MBD5: variants seen among roughly 807,000 people sequenced by gnomAD.
MBD5 encodes the protein methyl-CpG binding domain protein 5.
MBD5 carries 13 observed loss-of-function variants against 117.3 expected under a neutral mutation model. The ratio of observed to expected loss-of-function variants is 0.11; its 90% confidence interval spans 0.07 to 0.18. The LOEUF is 0.18. Among genes scored for constraint, MBD5 ranks in the 10% least tolerant of loss-of-function variants. The pLI, the probability that MBD5 is intolerant of heterozygous loss-of-function variation, is 1.00. For synonymous variants in MBD5, 727 were observed against 766.4 expected (o/e 0.95, Z 0.85); for missense variants, 1,879 against 2,093.8 (o/e 0.90, Z 2.00).
At chr2:148,139,587 T>A (rs1697261261) in intron 1 of MBD5, among the ~76,000 whole-genome samples, 1 of 152,166 alleles carries the variant, frequency 6.6e-6, no homozygotes, top group Non-Finnish European at 1.5e-5. Context: ...AAAAGCAGTG[T>A]GAAATCTAGG....
intron 2 of MBD5, among the ~76,000 whole-genome samples, chr2:148,202,621 A>G (rs1345340988): frequency 6.6e-6 from 1 of 152,246 alleles, no homozygotes; most frequent in East Asian, 1.9e-4. Context: ...AGAAACTATT[A>G]GTGAGTTTTG....
chr2:148,265,872 T>A (rs2106321539), intron 3 of MBD5, among the ~76,000 whole-genome samples: 1 of 152,192 alleles, frequency 6.6e-6, no homozygotes, highest in East Asian at 1.9e-4. Context: ...TTGTGGAGTT[T>A]ACATTCTAGG....
At chr2:148,072,879 T>C (rs1027340324) in intron 1 of MBD5, among the ~76,000 whole-genome samples, 2 of 152,118 alleles carry the variant, frequency 1.3e-5, no homozygotes, top group African/African-American at 4.8e-5. Context: ...ACCACAGTGA[T>C]TTGGTTGAGA....
At chr2:148,034,534 G>T (rs1040472666) in intron 1 of MBD5, among the ~76,000 whole-genome samples, 1 of 152,114 alleles carries the variant, frequency 6.6e-6, no homozygotes, top group African/African-American at 2.4e-5. Context: ...TAATTCTTCT[G>T]AACTTCTAAT....
chr2:148,022,080 G>C (rs1274889099), intron 1 of MBD5, among the ~76,000 whole-genome samples: 3 of 152,140 alleles, frequency 2.0e-5, no homozygotes, highest in Admixed American at 6.5e-5. Context: ...TCCAGGAAAA[G>C]CTCCACTGCA....
At chr2:148,234,104 G>C (rs1482045665) in intron 3 of MBD5, among the ~76,000 whole-genome samples, 1 of 151,960 alleles carries the variant, frequency 6.6e-6, no homozygotes, top group Non-Finnish European at 1.5e-5. Flanking sequence ...ATTTTTAAGT[G>C]TATAAGGAAT....
In MBD5 at chr2:148,422,418, C is replaced by A. The variant is rs541569081; in HGVS notation, c.-556-35785C>A. ...AACAAAAAGGAAATCCATTCAGAGA[C>A]CCCATCTGAAGGTCACCAACACAAA... is the stretch of plus-strand genomic sequence containing the variant. On this transcript the variant is annotated intron_variant, in intron 4 of 13. Coordinates refer to ENST00000642680, the MANE Select transcript of MBD5 (RefSeq NM_001378120.1). 2.0e-5 allele frequency among the ~76,000 whole-genome samples: 3 copies of A among 152,238 alleles called. No individual in the cohort carries two copies. The East Asian group carries it at 5.8e-4, about 29-fold the overall frequency.
intron 4 of MBD5, among the ~76,000 whole-genome samples, chr2:148,376,291 G>A (rs768399888): frequency 1.4e-5 from 2 of 139,852 alleles, no homozygotes; most frequent in African/African-American, 2.7e-5. Context: ...TTTTTGAGAC[G>A]GAGTCTCACT....
chr2:148,425,523 C>G (rs952963025), intron 4 of MBD5, among the ~76,000 whole-genome samples: 1 of 151,988 alleles, frequency 6.6e-6, no homozygotes, highest in African/African-American at 2.4e-5. Context: ...GGAATCCTCC[C>G]TAACTCATTT....
chr2:148,067,177 CTGAA>C (rs1338872174), intron 1 of MBD5, among the ~76,000 whole-genome samples: 1 of 152,308 alleles, frequency 6.6e-6, no homozygotes, highest in East Asian at 1.9e-4. Context: ...AGTACAGTCT[CTGAA>C]TGTTCATCAA....
At chr2:148,023,679 T>C (rs1693826728) in intron 1 of MBD5, among the ~76,000 whole-genome samples, 2 of 152,134 alleles carry the variant, frequency 1.3e-5, no homozygotes, top group African/African-American at 4.8e-5. Flanking sequence ...GGTAAGGGAA[T>C]TATGTAGATA....
At chr2:148,096,239 C>A (rs979730775) in intron 1 of MBD5, among the ~76,000 whole-genome samples, 5 of 152,162 alleles carry the variant, frequency 3.3e-5, no homozygotes, top group Non-Finnish European at 7.3e-5. Context: ...CAGCAGTTCT[C>A]AACTGGGAGT....
intron 2 of MBD5, among the ~76,000 whole-genome samples, chr2:148,187,811 G>A (rs896796805): frequency 2.0e-5 from 3 of 152,090 alleles, no homozygotes; most frequent in African/African-American, 7.2e-5. Context: ...GAAAAATGAT[G>A]CTAGATGGAA....
At chr2:148,442,386 A>G (rs1706354944) in intron 4 of MBD5, among the ~76,000 whole-genome samples, 1 of 151,372 alleles carries the variant, frequency 6.6e-6, no homozygotes, top group Non-Finnish European at 1.5e-5. Flanking sequence ...AGTGAGCCCA[A>G]AACAAAAATT....
At chr2:148,374,833 A>C (rs1168190454) in intron 4 of MBD5, among the ~76,000 whole-genome samples, 2 of 152,104 alleles carry the variant, frequency 1.3e-5, no homozygotes, top group Non-Finnish European at 2.9e-5. Flanking sequence ...GCGTATGACT[A>C]TTCTCCCACA....
In MBD5 at chr2:148,490,128, A is replaced by G; in HGVS notation, c.4496A>G (p.Tyr1499Cys). The G allele has an allele frequency of 6.2e-7, 1 of 1,614,112 alleles. No individual in the cohort carries two copies. Among genetic ancestry groups the G allele is most frequent in the Middle Eastern group, 1.6e-4 (1 of 6,062 alleles). Reference protein sequence around the residue: ...GDKILEENFRYNNYKRTMMSF... With the variant: ...GDKILEENFRCNNYKRTMMSF... ...AAAATTCTAGAGGAAAATTTCAGGT[A>G]TAATAACTACAAAAGAACTATGATG... is the stretch of plus-strand genomic sequence containing the variant. Residue 1499 changes from tyrosine to cysteine, a missense_variant, in exon 11 of 14, where the codon TAT becomes TGT. Physicochemically the swap from Tyr to Cys is radical, Grantham distance 194. This residue lies in a region of MBD5 where 1,666 missense variants were observed against 1,792.2 expected (regional missense o/e 0.93). Transcript: ENST00000642680.
chr2:148,138,429 G>A (rs187243315), intron 1 of MBD5, among the ~76,000 whole-genome samples: 235 of 152,272 alleles, frequency 1.5e-3, no homozygotes, highest in Middle Eastern at 3.4e-3. Flanking sequence ...GAATTTTGCC[G>A]AGATTCATTT....
At chr2:148,027,642 T>C (rs1447899834) in intron 1 of MBD5, 1 of 152,104 alleles carries the variant, frequency 6.6e-6, no homozygotes, top group African/African-American at 2.4e-5. Flanking sequence ...TCAATAGATA[T>C]ATAAGGCAAA....
chr2:148,424,430 T>C (rs1051360976), intron 4 of MBD5, among the ~76,000 whole-genome samples: 3 of 151,630 alleles, frequency 2.0e-5, no homozygotes, highest in Admixed American at 2.0e-4. Context: ...CACACAATAA[T>C]AGTGGGAGAC....
Sources: gnomAD v4.1 joint callset for allele counts (sites outside exome capture counted in the v4.1 genomes callset) on GRCh38, gnomAD v4.1.1 for gene constraint, gnomAD v4.1.1 regional missense constraint, MANE v1.5 for transcripts, NCBI Gene and HGNC (gene_info 2026-07-23, HGNC 2026-07-21) for gene names.